KCNK1: variants seen among roughly 807,000 people sequenced by gnomAD.
The protein encoded by KCNK1 is potassium channel subfamily K member 1.
KCNK1 carries 10 observed loss-of-function variants against 22.2 expected under a neutral mutation model. The ratio of observed to expected loss-of-function variants is 0.45; its 90% confidence interval spans 0.28 to 0.76. The LOEUF (loss-of-function observed/expected upper bound fraction) is 0.76. KCNK1 is among the 30% of genes least tolerant of loss of function. KCNK1 has a pLI of 0.14. For missense variants in KCNK1, 378 were observed against 421.0 expected (o/e 0.90, Z 0.89); for synonymous variants, 200 against 186.4 (o/e 1.07, Z -0.60).
intron 1 of KCNK1, among the ~76,000 whole-genome samples, chr1:233,618,530 A>G (rs978185978): frequency 1.3e-5 from 2 of 152,192 alleles, no homozygotes; most frequent in Admixed American, 6.5e-5. Flanking sequence ...GATTTACTAA[A>G]GTTTACTTCT....
intron 2 of KCNK1, among the ~76,000 whole-genome samples, chr1:233,667,774 G>A (rs890596317): frequency 7.0e-6 from 1 of 143,698 alleles, no homozygotes; most frequent in South Asian, 2.3e-4. Context: ...GAATGTACTT[G>A]ATAACCAACT....
chr1:233,654,832 T>G (rs775290770), intron 1 of KCNK1, among the ~76,000 whole-genome samples: 6 of 152,186 alleles, frequency 3.9e-5, no homozygotes, highest in Non-Finnish European at 7.3e-5. Flanking sequence ...ATAAGGAGAT[T>G]AGTCAACCAA....
At chr1:233,617,182 A>G (rs967182896) in intron 1 of KCNK1, among the ~76,000 whole-genome samples, 23 of 152,178 alleles carry the variant, frequency 1.5e-4, no homozygotes, top group African/African-American at 5.1e-4. Flanking sequence ...AGATGCTGTT[A>G]TTGGTAGTCA....
At chr1:233,624,639 A>G (rs1201135014) in intron 1 of KCNK1, among the ~76,000 whole-genome samples, 1 of 152,224 alleles carries the variant, frequency 6.6e-6, no homozygotes, top group African/African-American at 2.4e-5. Context: ...TAAAGATGTT[A>G]CTTCTATTCA....
chr1:233,664,081 C>T (rs1306258804), intron 1 of KCNK1, among the ~76,000 whole-genome samples: 6 of 152,238 alleles, frequency 3.9e-5, no homozygotes, highest in East Asian at 1.9e-4. Context: ...CCGCCCGCCT[C>T]GCCCTCCCAA....
At chr1:233,644,670 A>G (rs1226362720) in intron 1 of KCNK1, among the ~76,000 whole-genome samples, 1 of 121,740 alleles carries the variant, frequency 8.2e-6, no homozygotes, top group Non-Finnish European at 1.5e-5. Flanking sequence ...GAAGGCATCA[A>G]ACCAGGGGAA....
chr1:233,621,682 A>ATGG (rs1657589078), intron 1 of KCNK1, among the ~76,000 whole-genome samples: 1 of 152,212 alleles, frequency 6.6e-6, no homozygotes, highest in Admixed American at 6.5e-5. Context: ...CTGTGAACTC[A>ATGG]TACCTGTCTA....
At chr1:233,631,930 G>A (rs930065168) in intron 1 of KCNK1, among the ~76,000 whole-genome samples, 1 of 152,214 alleles carries the variant, frequency 6.6e-6, no homozygotes, top group Non-Finnish European at 1.5e-5. Flanking sequence ...GGCTCGAACA[G>A]AGGGAACCAC....
At chr1:233,634,029 C>T (rs1479519912) in intron 1 of KCNK1, among the ~76,000 whole-genome samples, 3 of 152,044 alleles carry the variant, frequency 2.0e-5, no homozygotes, top group South Asian at 2.1e-4. Flanking sequence ...CATTTTGGGC[C>T]GGGCGCAGTG....
chr1:233,653,787 T>C (rs1381236789), intron 1 of KCNK1, among the ~76,000 whole-genome samples: 1 of 152,030 alleles, frequency 6.6e-6, no homozygotes, highest in Non-Finnish European at 1.5e-5. Flanking sequence ...CTTCCGTAAT[T>C]GGATAAGCCA....
intron 1 of KCNK1, among the ~76,000 whole-genome samples, chr1:233,636,826 A>G (rs1360756080): frequency 6.6e-6 from 1 of 152,104 alleles, no homozygotes; most frequent in Non-Finnish European, 1.5e-5. Context: ...TGGTTTCTAC[A>G]TGTTGTCCTG....
chr1:233,622,021 G>A (rs1057465494), intron 1 of KCNK1, among the ~76,000 whole-genome samples: 12 of 152,156 alleles, frequency 7.9e-5, no homozygotes, highest in Admixed American at 5.9e-4. Flanking sequence ...AAGAAATGAT[G>A]TCTCTTCTTT....
chr1:233,667,128 C>T (rs944323057), intron 2 of KCNK1, 138 bp downstream of exon 2: 2 of 577,182 alleles, frequency 3.5e-6, no homozygotes, highest in Non-Finnish European at 5.2e-6. Flanking sequence ...ACTGCAACCT[C>T]CGCCTTCCGG....
At chr1:233,626,739 T>C (rs1038287821) in intron 1 of KCNK1, among the ~76,000 whole-genome samples, 3 of 152,192 alleles carry the variant, frequency 2.0e-5, no homozygotes, top group Admixed American at 6.5e-5. Context: ...ACCTAAACTG[T>C]AATATTGTTT....
intron 2 of KCNK1, among the ~76,000 whole-genome samples, chr1:233,667,271 A>G (rs1658508311): frequency 6.6e-6 from 1 of 152,106 alleles, no homozygotes; most frequent in Non-Finnish European, 1.5e-5. Flanking sequence ...CTTTCTTCTC[A>G]TTGAGAAGTT....
intron 1 of KCNK1, among the ~76,000 whole-genome samples, chr1:233,651,301 G>A (rs1030932746): frequency 2.0e-5 from 3 of 152,144 alleles, no homozygotes; most frequent in African/African-American, 7.2e-5. Flanking sequence ...CATTCTAAAA[G>A]TGCATTACTG....
chr1:233,632,185 ACT>A (rs1048724882), intron 1 of KCNK1, among the ~76,000 whole-genome samples: 5 of 152,004 alleles, frequency 3.3e-5, no homozygotes, highest in African/African-American at 7.3e-5. Flanking sequence ...AGCTCAGGGA[ACT>A]CTCTCATTTT....
rs34485706 is a variant in KCNK1 at position 233,649,106 on chromosome 1, AG to A, written c.356-17487del. ...CTGTCAGCATAGTCAAACACTTAGG[AG>A]GAGTAAAAAGGTGTATTTTTCTGCA... On this transcript the variant is annotated intron_variant, in intron 1 of 2. Transcript: ENST00000366621. 2.0e-5 allele frequency among the ~76,000 whole-genome samples: 3 copies of A among 152,200 alleles called. No homozygotes were observed. The East Asian group carries it at 5.8e-4, about 29-fold the overall frequency.
intron 2 of KCNK1, among the ~76,000 whole-genome samples, chr1:233,667,513 G>A (rs1239253315): frequency 3.3e-5 from 5 of 151,796 alleles, no homozygotes; most frequent in East Asian, 1.9e-4. Flanking sequence ...GGCGGATCAC[G>A]AGGTCAGGAG....
Sources: allele counts gnomAD v4.1 joint callset (sites outside exome capture counted in the v4.1 genomes callset), GRCh38; gene constraint gnomAD v4.1.1; transcripts MANE v1.5; gene names NCBI Gene and HGNC (gene_info 2026-07-23, HGNC 2026-07-21).